DGKG: variants seen among roughly 807,000 people sequenced by gnomAD.
DGKG encodes DAG kinase gamma.
In DGKG, 78 loss-of-function variants were observed where a neutral mutation model predicts 105.3. That is an observed-to-expected ratio of 0.74 (90% CI 0.62 to 0.89). The LOEUF (loss-of-function observed/expected upper bound fraction) is 0.89, where lower values mean the gene tolerates loss of function less well. Ranked by LOEUF, DGKG falls within the 40% of genes least tolerant of loss-of-function variation. The pLI is 0.00. For missense variants in DGKG, 958 were observed against 1,020.1 expected (o/e 0.94, Z 0.83); for synonymous variants, 346 against 367.1 (o/e 0.94, Z 0.66).
chr3:186,332,052 T>C (rs1031184759), intron 1 of DGKG, among the ~76,000 whole-genome samples: 13 of 152,144 alleles, frequency 8.5e-5, no homozygotes, highest in African/African-American at 3.1e-4. Context: ...GAATGAGTGC[T>C]GAGTACCTAA....
intron 20 of DGKG, among the ~76,000 whole-genome samples, chr3:186,220,564 G>A (rs1273859213): frequency 2.6e-5 from 4 of 152,220 alleles, no homozygotes; most frequent in African/African-American, 9.6e-5. Context: ...CTGCAAAGCT[G>A]TGAGTCATTC....
intron 24 of DGKG, chr3:186,161,289 A>T: frequency 8.9e-7 from 1 of 1,122,832 alleles, no homozygotes; most frequent in South Asian, 2.8e-5. Context: ...GACATGATTC[A>T]AGCTGAGGCT....
intron 2 of DGKG, among the ~76,000 whole-genome samples, chr3:186,314,146 T>G (rs61105552): frequency 8.8e-4 from 134 of 151,586 alleles, no homozygotes; most frequent in African/African-American, 3.0e-3. Flanking sequence ...TTTGCTTTAA[T>G]GTAATTTAAT....
rs1178378697 is a variant in DGKG at position 186,226,679 on chromosome 3, A to G, written c.1827-14794T>C. ...ACCCGCTTTCAGCTTATTGAGTTCA[A>G]AGGCAAGGTAGGGTACTTGGCTTGA... is the stretch of plus-strand genomic sequence containing the variant. On this transcript the variant is annotated intron_variant, in intron 20 of 24. Transcript: ENST00000265022. The surrounding 1 kb of genome is among the most constrained non-coding windows in gnomAD (Gnocchi z 4.2). 6.6e-6 allele frequency among the ~76,000 whole-genome samples: 1 copy of G among 152,198 alleles called. No homozygotes were observed. The highest frequency in any genetic ancestry group is 1.5e-5 in the Non-Finnish European group (1 of 68,032).
chr3:186,204,318 G>A (rs571930553), intron 21 of DGKG, among the ~76,000 whole-genome samples: 2 of 152,234 alleles, frequency 1.3e-5, no homozygotes, highest in African/African-American at 2.4e-5. Flanking sequence ...AAGTAGGAGA[G>A]TCACTTGAAC....
intron 11 of DGKG, among the ~76,000 whole-genome samples, 195 bp from the exon 12 acceptor site, chr3:186,269,112 G>A (rs1722197609): frequency 1.3e-5 from 2 of 152,372 alleles, no homozygotes; most frequent in South Asian, 4.1e-4. Flanking sequence ...CCGCCATTAT[G>A]CGAATCAAAG....
At chr3:186,299,514 C>T (rs1185700343) in intron 3 of DGKG, among the ~76,000 whole-genome samples, 2 of 152,232 alleles carry the variant, frequency 1.3e-5, no homozygotes, top group Non-Finnish European at 2.9e-5. Context: ...TTCAGCTGGA[C>T]AGAGGCTCTT....
At chr3:186,321,687 G>A (rs1725084430) in intron 1 of DGKG, among the ~76,000 whole-genome samples, 1 of 152,230 alleles carries the variant, frequency 6.6e-6, no homozygotes, top group Non-Finnish European at 1.5e-5. Context: ...TGGATGAGAC[G>A]ACCAAGTTGG....
intron 24 of DGKG, chr3:186,160,444 C>A (rs946614421): frequency 1.0e-6 from 1 of 985,202 alleles, no homozygotes; most frequent in African/African-American, 1.7e-5. Flanking sequence ...CTAACTCCAG[C>A]AAGGTGGAAA....
intron 24 of DGKG, among the ~76,000 whole-genome samples, chr3:186,154,504 G>T (rs2108469869): frequency 6.6e-6 from 1 of 152,112 alleles, no homozygotes; most frequent in African/African-American, 2.4e-5. Context: ...AATTAGCCAG[G>T]TGTGGTAGTG....
At chr3:186,297,971 T>C in intron 4 of DGKG, 93 bp downstream of exon 4, 1 of 1,425,598 alleles carries the variant, frequency 7.0e-7, no homozygotes, top group Non-Finnish European at 9.5e-7. Flanking sequence ...GCAGTTACTA[T>C]GTTCAGGGGA....
intron 10 of DGKG, 21 bp from the exon 11 acceptor site, chr3:186,272,364 G>C (rs370802324): frequency 6.3e-7 from 1 of 1,590,338 alleles, no homozygotes; most frequent in Non-Finnish European, 8.6e-7. Context: ...AAAAAGTCAA[G>C]GCAGGTGCTT....
intron 2 of DGKG, among the ~76,000 whole-genome samples, chr3:186,311,898 T>C (rs985408404): frequency 1.4e-5 from 2 of 144,990 alleles, no homozygotes; most frequent in Non-Finnish European, 1.5e-5. Flanking sequence ...GGGTGGATCA[T>C]GAGGTCAGGA....
chr3:186,260,524 A>G lies in DGKG; in HGVS notation c.1350-11T>C. Reference sequence around the variant, plus strand: ...AATTTCCGAAGAATTCTATGGAAAAAAAAAGAAAAGGAGGGAGAGAGAGAG... The same window carrying G: ...AATTTCCGAAGAATTCTATGGAAAAGAAAAGAAAAGGAGGGAGAGAGAGAG... On this transcript the variant is annotated splice_polypyrimidine_tract_variant and intron_variant, in intron 15 of 24. Transcript: ENST00000265022. The G allele has an allele frequency of 1.2e-6, 2 of 1,603,048 alleles. No individual in the cohort carries two copies. The highest frequency in any genetic ancestry group is 1.1e-5 in the South Asian group (1 of 90,532).
At chr3:186,337,925 T>C (rs1725904857) in intron 1 of DGKG, among the ~76,000 whole-genome samples, 1 of 151,996 alleles carries the variant, frequency 6.6e-6, no homozygotes, top group African/African-American at 2.4e-5. Context: ...ATCTCAGCAC[T>C]TAGGGAGGCC....
In DGKG at chr3:186,257,946, A is replaced by T; in HGVS notation, c.1425-7T>A. The T allele has an allele frequency of 6.2e-7, 1 of 1,612,378 alleles. No homozygotes were observed. Among genetic ancestry groups the T allele is most frequent in the Non-Finnish European group, 8.5e-7 (1 of 1,178,466 alleles). ...ATCACGGAAAAAGTTCAACCTGGGAAGAAGAAGAAAGGCCAAAATGGGCTT... is the reference window on the plus strand; with the variant it reads ...ATCACGGAAAAAGTTCAACCTGGGATGAAGAAGAAAGGCCAAAATGGGCTT... On this transcript the variant is annotated splice_region_variant and splice_polypyrimidine_tract_variant and intron_variant, in intron 16 of 24. Transcript: ENST00000265022.
intron 1 of DGKG, among the ~76,000 whole-genome samples, chr3:186,326,440 A>C (rs1328210607): frequency 1.4e-5 from 2 of 146,894 alleles, no homozygotes; most frequent in East Asian, 2.0e-4. Flanking sequence ...ACACACACAC[A>C]CCCCTCATCT....
chr3:186,253,005 A>G (rs1721297149), intron 18 of DGKG, 88 bp downstream of exon 18: 8 of 1,153,022 alleles, frequency 6.9e-6, no homozygotes, highest in Non-Finnish European at 1.0e-5. Flanking sequence ...GTGATCCATA[A>G]AAGGGTAAGT....
chr3:186,326,546 C>A (rs973779214), intron 1 of DGKG, among the ~76,000 whole-genome samples: 1 of 151,850 alleles, frequency 6.6e-6, no homozygotes, highest in African/African-American at 2.4e-5. Context: ...GTAGCCTTCC[C>A]TTCCTTCCAT....
Sources: allele counts gnomAD v4.1 joint callset (sites outside exome capture counted in the v4.1 genomes callset), GRCh38; gene constraint gnomAD v4.1.1; non-coding constraint Gnocchi (gnomAD v3.1); transcripts MANE v1.5; gene names NCBI Gene and HGNC (gene_info 2026-07-23, HGNC 2026-07-21).